The following TBL1XR1 variants were observed in gnomAD, a reference collection of about 807,000 sequenced individuals.
TBL1XR1 encodes F-box-like/WD repeat-containing protein TBL1XR1.
In TBL1XR1, 5 loss-of-function variants were observed where a neutral mutation model predicts 66.9. That is an observed-to-expected ratio of 0.07 (90% confidence interval 0.04 to 0.16). The LOEUF is 0.16. Among genes scored for constraint, TBL1XR1 ranks in the 10% least tolerant of loss-of-function variants. The pLI, the probability that TBL1XR1 is intolerant of heterozygous loss-of-function variation, is 1.00. For missense variants in TBL1XR1, 238 were observed against 623.2 expected (o/e 0.38, Z 6.58); for synonymous variants, 210 against 206.0 (o/e 1.02, Z -0.17).
At chr3:177,141,020 T>C (rs549596333) in intron 1 of TBL1XR1, among the ~76,000 whole-genome samples, 2 of 152,268 alleles carry the variant, frequency 1.3e-5, no homozygotes, top group South Asian at 4.1e-4. Flanking sequence ...CTAATCCTTA[T>C]CTTGTAAAAA....
chr3:177,180,882 C>T (rs902158232), intron 1 of TBL1XR1, among the ~76,000 whole-genome samples: 1 of 151,960 alleles, frequency 6.6e-6, no homozygotes, highest in Middle Eastern at 3.4e-3. Flanking sequence ...GATTACAGGC[C>T]ACCACGCCCT....
intron 2 of TBL1XR1, chr3:177,078,909 A>G (rs1165034414): frequency 6.6e-6 from 1 of 152,012 alleles, no homozygotes; most frequent in Non-Finnish European, 1.5e-5. Flanking sequence ...AGATTGCACC[A>G]CTGCACTCCA....
At chr3:177,153,659 G>A (rs551174036) in intron 1 of TBL1XR1, among the ~76,000 whole-genome samples, 2 of 152,060 alleles carry the variant, frequency 1.3e-5, no homozygotes, top group African/African-American at 4.8e-5. Flanking sequence ...AGGCCGGGGC[G>A]GGTGAATCAC....
At chr3:177,194,746 A>T (rs7611092) in intron 1 of TBL1XR1, among the ~76,000 whole-genome samples, 1 of 152,004 alleles carries the variant, frequency 6.6e-6, no homozygotes. Flanking sequence ...GTTACCTCTA[A>T]TTCTTTCGGG....
intron 14 of TBL1XR1, among the ~76,000 whole-genome samples, chr3:177,029,682 A>G (rs1198333691): frequency 6.6e-6 from 1 of 152,192 alleles, no homozygotes; most frequent in Non-Finnish European, 1.5e-5. Flanking sequence ...AACACTCCAC[A>G]TGAAGAAAAT....
In TBL1XR1 at chr3:177,112,107, ATTTT is replaced by A. The variant is rs71170852; in HGVS notation, c.-121-13570_-121-13567del. ...TATATATATATATATATATATATAT[ATTTT>A]TTTTTTTTTTTTTTGTGAGGGGCTC... is the stretch of plus-strand genomic sequence containing the variant. On this transcript the variant is annotated intron_variant, in intron 1 of 15. Coordinates refer to ENST00000457928, the MANE Select transcript of TBL1XR1 (RefSeq NM_024665.7). Among the ~76,000 whole-genome samples, 39 of 37,628 alleles carry A rather than the reference ATTTT, an allele frequency of 1.0e-3. 1 individual carries two copies. Among genetic ancestry groups the A allele is most frequent in the African/African-American group, 3.1e-3 (24 of 7,830 alleles). The allele number at this position is 37,628 out of a possible 152,430, so 24.7% of individuals were successfully genotyped here. A position where few individuals can be genotyped will look rare whatever the true frequency, so the allele number is the denominator to read the frequency against.
At chr3:177,094,150 A>T (rs902059927) in intron 2 of TBL1XR1, among the ~76,000 whole-genome samples, 1 of 152,230 alleles carries the variant, frequency 6.6e-6, no homozygotes, top group Non-Finnish European at 1.5e-5. Context: ...AAATAATCCT[A>T]TAAAAAAGTG....
Position 177,191,779 on chromosome 3 carries a change from T to C in TBL1XR1, c.-122+5342A>G, listed in dbSNP as rs560386988. On this transcript the variant is annotated intron_variant, in intron 1 of 15. Coordinates refer to ENST00000457928, the MANE Select transcript of TBL1XR1 (RefSeq NM_024665.7). Reference sequence around the variant, plus strand: ...CTAAAAGGCAGACCCTAGGTTCTGCTGGACCCAAACCTTGAAAGAGTTCCC... The same window carrying C: ...CTAAAAGGCAGACCCTAGGTTCTGCCGGACCCAAACCTTGAAAGAGTTCCC... 3.9e-5 allele frequency among the ~76,000 whole-genome samples: 6 copies of C among 152,320 alleles called. No homozygotes were observed. The East Asian group carries it at 9.6e-4, about 24-fold the overall frequency.
At chr3:177,125,278 G>A (rs753438755) in intron 1 of TBL1XR1, among the ~76,000 whole-genome samples, 21 of 151,904 alleles carry the variant, frequency 1.4e-4, no homozygotes, top group Admixed American at 6.6e-4. Flanking sequence ...AAATACAAAC[G>A]GCCAATAAGC....
At chr3:177,183,967 T>C (rs996383640) in intron 1 of TBL1XR1, among the ~76,000 whole-genome samples, 2 of 151,298 alleles carry the variant, frequency 1.3e-5, no homozygotes, top group Admixed American at 6.6e-5. Flanking sequence ...AAGACTCTCC[T>C]ACCTAGTCTC....
At chr3:177,188,597 T>G (rs1257372610) in intron 1 of TBL1XR1, among the ~76,000 whole-genome samples, 1 of 152,114 alleles carries the variant, frequency 6.6e-6, no homozygotes, top group Non-Finnish European at 1.5e-5. Flanking sequence ...CTCTGACCCT[T>G]GCAGCCCAGA....
intron 1 of TBL1XR1, among the ~76,000 whole-genome samples, chr3:177,165,909 C>A (rs548774829): frequency 2.4e-4 from 36 of 148,882 alleles, no homozygotes; most frequent in African/African-American, 8.6e-4. Context: ...CCAGCCTAGG[C>A]AACATGGCAA....
chr3:177,054,765 T>C (rs1049321949), intron 3 of TBL1XR1, among the ~76,000 whole-genome samples: 1 of 152,212 alleles, frequency 6.6e-6, no homozygotes, highest in African/African-American at 2.4e-5. Flanking sequence ...ATATGAAATA[T>C]TTAAGAAATG....
chr3:177,181,343 G>C (rs1328647758), intron 1 of TBL1XR1, among the ~76,000 whole-genome samples: 1 of 151,896 alleles, frequency 6.6e-6, no homozygotes, highest in Admixed American at 6.6e-5. Context: ...AGCCAGGTGT[G>C]GTGGCACACG....
chr3:177,090,517 T>TAAAAAAA lies in TBL1XR1; in HGVS notation c.-46+7942_-46+7948dup, dbSNP rs768136243. Among the ~76,000 whole-genome samples the TAAAAAAA allele has an allele frequency of 2.5e-4, 26 of 102,446 alleles. 1 individual carries two copies. The highest frequency in any genetic ancestry group is 3.5e-4 in the Non-Finnish European group (18 of 51,326). 67.2% of individuals were successfully genotyped at this position (102,446 alleles called of 152,430 possible). ...CAACACAGGGAGACACTGTCTCTAC[T>TAAAAAAA]AAAAAAAAAAAAAAAAAAAAATCAG... On this transcript the variant is annotated intron_variant, in intron 2 of 15. Coordinates refer to ENST00000457928, the MANE Select transcript of TBL1XR1 (RefSeq NM_024665.7).
chr3:177,039,770 T>TG (rs140731886), intron 10 of TBL1XR1, among the ~76,000 whole-genome samples: 1 of 152,004 alleles, frequency 6.6e-6, no homozygotes, highest in Non-Finnish European at 1.5e-5. Flanking sequence ...TATAGTGCAA[T>TG]GGGGGAGGAG....
intron 1 of TBL1XR1, among the ~76,000 whole-genome samples, chr3:177,128,862 G>A (rs539632451): frequency 2.0e-5 from 3 of 152,206 alleles, no homozygotes; most frequent in East Asian, 3.9e-4. Context: ...CACTTCCTAT[G>A]AGGCCATCGT....
chr3:177,037,925 C>T (rs1394766334), intron 12 of TBL1XR1, 173 bp downstream of exon 12: 4 of 574,838 alleles, frequency 7.0e-6, no homozygotes, highest in Non-Finnish European at 1.2e-5. Flanking sequence ...TTATGTATTT[C>T]AGAAAAGAAA....
At chr3:177,113,993 A>C (rs765860964) in intron 1 of TBL1XR1, among the ~76,000 whole-genome samples, 1 of 152,192 alleles carries the variant, frequency 6.6e-6, no homozygotes, top group Non-Finnish European at 1.5e-5. Flanking sequence ...CAATCCCACT[A>C]CTGGGTAAAT....
Sources: allele counts gnomAD v4.1 joint callset (sites outside exome capture counted in the v4.1 genomes callset), GRCh38; gene constraint gnomAD v4.1.1; transcripts MANE v1.5; gene names NCBI Gene and HGNC (gene_info 2026-07-23, HGNC 2026-07-21).